The following DSC2 variants were observed in gnomAD, a reference collection of about 807,000 sequenced individuals.
DSC2 encodes the protein desmocollin 2, also known as desmocollin-2.
Under a neutral mutation model 87.6 loss-of-function variants are expected in DSC2, and 51 were observed. That is an observed-to-expected ratio of 0.58 (90% CI 0.46 to 0.74). The LOEUF (loss-of-function observed/expected upper bound fraction) is 0.74. Among genes scored for constraint, DSC2 ranks in the 30% least tolerant of loss-of-function variants. The pLI is 0.00. For missense variants in DSC2, 1,066 were observed against 1,089.5 expected (o/e 0.98, Z 0.30); for synonymous variants, 383 against 393.2 (o/e 0.97, Z 0.31).
At chr18:31,077,474 T>C (rs2034100624) in intron 11 of DSC2, among the ~76,000 whole-genome samples, 1 of 152,246 alleles carries the variant, frequency 6.6e-6, no homozygotes, top group African/African-American at 2.4e-5. Context: ...ACAACTGGGA[T>C]AAATGCTTCA....
intron 12 of DSC2, among the ~76,000 whole-genome samples, chr18:31,073,456 G>C (rs1174532704): frequency 6.6e-6 from 1 of 151,906 alleles, no homozygotes; most frequent in Non-Finnish European, 1.5e-5. Flanking sequence ...TTAGTTCACA[G>C]AGCAGGATCC....
chr18:31,090,588 CAG>C (rs537593413), intron 4 of DSC2, among the ~76,000 whole-genome samples: 2 of 151,508 alleles, frequency 1.3e-5, no homozygotes, highest in Admixed American at 6.6e-5. Flanking sequence ...GAGACAGAGA[CAG>C]AGAGAGAGAG....
rs956665667 is a variant in DSC2, at chr18:31,070,759, T to A, written c.2217A>T (p.Val739=). The stretch of plus-strand genomic sequence containing the variant: ...CATCTCCAGGAGCTTCTGTGTTTGA[T>A]ACAATTAGGTTCTGCTGGGCTAAAT... ...PDDLAQQNLI[V]SNTEAPGDDK... Residue 739 remains valine, a synonymous_variant, in exon 14 of 16, where the codon GTA becomes GTT. Transcript: ENST00000280904. 9 of 1,613,956 alleles carry A rather than the reference T, an allele frequency of 5.6e-6. No homozygotes were observed. Among genetic ancestry groups the A allele is most frequent in the African/African-American group, 1.3e-5 (1 of 75,044 alleles).
Position 31,102,092 on chromosome 18 carries a change from G to GGAGGTGGGGCGCGCGGA in DSC2, c.-138_-122dup. Reference sequence around the variant, plus strand: ...CTGCTCAGGAGGAGCGCGAGGCGGAGGAGGTGGGGCGCGCGGAGAGGTGCT... The same window carrying GGAGGTGGGGCGCGCGGA: ...CTGCTCAGGAGGAGCGCGAGGCGGAGGAGGTGGGGCGCGCGGAGAGGTGGGGCGCGCGGAGAGGTGCT... On this transcript the variant is annotated 5_prime_UTR_variant, in exon 1 of 16. Transcript: ENST00000280904. The GGAGGTGGGGCGCGCGGA allele has an allele frequency of 1.2e-6, 1 of 824,646 alleles. No individual in the cohort carries two copies. The highest frequency in any genetic ancestry group is 1.7e-6 in the Non-Finnish European group (1 of 580,938). The allele number at this position is 824,646 out of a possible 1,614,324, so 51.1% of individuals were successfully genotyped here.
chr18:31,101,800 C>G lies in DSC2; in HGVS notation c.69+103G>C, dbSNP rs545884156. 1,665 of 1,252,718 alleles carry G rather than the reference C, an allele frequency of 1.3e-3. 20 individuals are homozygous for G. In the African/African-American group the frequency reaches 0.014, roughly 10 times the overall value. 77.6% of individuals were successfully genotyped at this position (1,252,718 alleles called of 1,614,324 possible). ...CTAGCCACCCAGAGGCCCCTTCACC[C>G]CAGCTTTTCCCGCCACCCCCACCTA... is the stretch of plus-strand genomic sequence containing the variant. On this transcript the variant is annotated intron_variant, in intron 1 of 15. Coordinates refer to ENST00000280904, the MANE Select transcript of DSC2 (RefSeq NM_024422.6).
In DSC2 at chr18:31,076,839, C is replaced by G. The variant is rs138944450; in HGVS notation, c.1664-1932G>C. ...CAATTTAGGGTACTATAAAAGCTAC[C>G]TAAATATATTAACTACAAAAGGACA... is the stretch of plus-strand genomic sequence containing the variant. On this transcript the variant is annotated intron_variant, in intron 11 of 15. Coordinates refer to ENST00000280904, the MANE Select transcript of DSC2 (RefSeq NM_024422.6). Among the ~76,000 whole-genome samples the G allele has an allele frequency of 2.1e-3, 323 of 152,088 alleles. 1 individual carries two copies. Among genetic ancestry groups the G allele is most frequent in the African/African-American group, 7.4e-3 (306 of 41,480 alleles).
chr18:31,081,632 T>C (rs1380999616), intron 9 of DSC2, among the ~76,000 whole-genome samples: 1 of 152,168 alleles, frequency 6.6e-6, no homozygotes, highest in East Asian at 1.9e-4. Context: ...TGTAAAACCA[T>C]GTTCTGGTTA....
At chr18:31,087,109 T>A (rs1460639840) in intron 6 of DSC2, among the ~76,000 whole-genome samples, 1 of 152,226 alleles carries the variant, frequency 6.6e-6, no homozygotes, top group Admixed American at 6.5e-5. Flanking sequence ...TAAAACTGCA[T>A]GGTTCACTTA....
At position 31,060,979 on chromosome 18, in the gene DSC2, A is replaced by T. The variant is rs1417557446; in HGVS notation, c.*7036T>A. ...AAGTTTCATAAACCACCAAATAATC[A>T]ATAAACCCAGTTACTAAAACCCTAA... On this transcript the variant is annotated 3_prime_UTR_variant, in exon 16 of 16. Transcript: ENST00000280904. 1.3e-5 allele frequency: 2 copies of T among 152,242 alleles called. No homozygotes were observed. The highest frequency in any genetic ancestry group is 6.5e-5 in the Admixed American group (1 of 15,284). 9.4% of individuals were successfully genotyped at this position (152,242 alleles called of 1,614,324 possible).
chr18:31,084,191 A>G (rs1987322199), intron 7 of DSC2, among the ~76,000 whole-genome samples: 1 of 152,164 alleles, frequency 6.6e-6, no homozygotes, highest in Non-Finnish European at 1.5e-5. Flanking sequence ...ATAAAACTAA[A>G]GTTTCTCTTG....
intron 13 of DSC2, 110 bp downstream of exon 13, chr18:31,071,495 G>A: frequency 2.1e-6 from 2 of 936,070 alleles, no homozygotes; most frequent in South Asian, 2.7e-5. Flanking sequence ...GCAGTGAGCG[G>A]AGATCACACT....
chr18:31,071,532 C>CA lies in DSC2; in HGVS notation c.2125+72dup, dbSNP rs1294683124. ...CTGCACTCCAGCCTGGGCTCTGTCT[C>CA]AAAAAACAAAAAGTGTCTTGAAAGT... On this transcript the variant is annotated intron_variant, in intron 13 of 15. Coordinates refer to ENST00000280904, the MANE Select transcript of DSC2 (RefSeq NM_024422.6). 3.4e-6 allele frequency: 5 copies of CA among 1,468,264 alleles called. No homozygotes were observed. The East Asian group carries it at 1.1e-4, about 33-fold the overall frequency. The allele number at this position is 1,468,264 out of a possible 1,614,324, so 91.0% of individuals were successfully genotyped here.
chr18:31,089,596 TAG>T lies in DSC2; in HGVS notation c.475-4_475-3del, dbSNP rs1987525002. 6.2e-7 allele frequency: 1 copy of T among 1,612,916 alleles called. No individual in the cohort carries two copies. The highest frequency in any genetic ancestry group is 1.3e-5 in the African/African-American group (1 of 74,882). ...GTTTTGGGCCGTGTCAGATTGAACC[TAG>T]AAAGTAGATATTATATACATGAGAC... is the stretch of plus-strand genomic sequence containing the variant. On this transcript the variant is annotated splice_region_variant and splice_polypyrimidine_tract_variant and intron_variant, in intron 4 of 15. Transcript: ENST00000280904.
At chr18:31,095,389 A>C (rs1043345513) in intron 1 of DSC2, among the ~76,000 whole-genome samples, 10 of 152,148 alleles carry the variant, frequency 6.6e-5, no homozygotes, top group Non-Finnish European at 1.0e-4. Context: ...GTGCAAAGAG[A>C]AGCAACAGCC....
chr18:31,093,041 T>C (rs549957092), intron 2 of DSC2, among the ~76,000 whole-genome samples: 2 of 152,344 alleles, frequency 1.3e-5, no homozygotes, highest in South Asian at 2.1e-4. Context: ...AATGATAATA[T>C]ACTACATTAG....
rs1987182739 is a variant in DSC2 at position 31,080,488 on chromosome 18, T to C, written c.1264-136A>G. On this transcript the variant is annotated intron_variant, in intron 9 of 15. Coordinates refer to ENST00000280904, the MANE Select transcript of DSC2 (RefSeq NM_024422.6). ...TAACCACGAGAATATGAAACATATA[T>C]CCAGTGATATGGTTTGGCTCTGTGT... is the stretch of plus-strand genomic sequence containing the variant. The C allele has an allele frequency of 4.7e-6, 5 of 1,061,158 alleles. No homozygotes were observed. In the East Asian group the frequency reaches 1.0e-4, roughly 22 times the overall value. The allele number at this position is 1,061,158 out of a possible 1,614,324, so 65.7% of individuals were successfully genotyped here.
intron 12 of DSC2, among the ~76,000 whole-genome samples, chr18:31,073,975 A>G (rs1986918742): frequency 6.6e-6 from 1 of 152,230 alleles, no homozygotes; most frequent in South Asian, 2.1e-4. Context: ...TTTTCAAAGA[A>G]GGACTTGCAT....
rs1987987859 is a variant in DSC2, at chr18:31,102,116, CTTTT to C, written c.-149_-146del. The C allele has an allele frequency of 1.6e-6, 1 of 624,978 alleles. No homozygotes were observed. The highest frequency in any genetic ancestry group is 2.0e-5 in the African/African-American group (1 of 50,984). The allele number at this position is 624,978 out of a possible 1,614,324, so 38.7% of individuals were successfully genotyped here. A position where few individuals can be genotyped will look rare whatever the true frequency, so the allele number is the denominator to read the frequency against. ...AGGAGGTGGGGCGCGCGGAGAGGTG[CTTTT>C]CTTAGCTTCTCTGAAGCGCCTGCCT... On this transcript the variant is annotated 5_prime_UTR_variant, in exon 1 of 16. Transcript: ENST00000280904.
Position 31,101,820 on chromosome 18 carries a change from C to CA in DSC2, c.69+82dup. 8 of 1,409,790 alleles carry CA rather than the reference C, an allele frequency of 5.7e-6. No individual in the cohort carries two copies. The South Asian group carries it at 1.0e-4, about 18-fold the overall frequency. 87.3% of individuals were successfully genotyped at this position (1,409,790 alleles called of 1,614,324 possible). A position where few individuals can be genotyped will look rare whatever the true frequency, so the allele number is the denominator to read the frequency against. ...TCACCCCAGCTTTTCCCGCCACCCC[C>CA]ACCTATCCCCGTTCCCCTAGTTTTC... On this transcript the variant is annotated intron_variant, in intron 1 of 15. Coordinates refer to ENST00000280904, the MANE Select transcript of DSC2 (RefSeq NM_024422.6).
Sources: gnomAD v4.1 joint callset for allele counts (sites outside exome capture counted in the v4.1 genomes callset) on GRCh38, gnomAD v4.1.1 for gene constraint, MANE v1.5 for transcripts, NCBI Gene and HGNC (gene_info 2026-07-23, HGNC 2026-07-21) for gene names.